ATAD2B: variants seen among roughly 807,000 people sequenced by gnomAD.
The protein encoded by ATAD2B is ATPase family AAA domain-containing protein 2B.
ATAD2B carries 40 observed loss-of-function variants against 167.6 expected under a neutral mutation model. That is an observed-to-expected ratio of 0.24 (90% confidence interval 0.19 to 0.31). ATAD2B has a LOEUF of 0.31. Among genes scored for constraint, ATAD2B ranks in the 10% least tolerant of loss-of-function variants. The pLI is 1.00. For synonymous variants in ATAD2B, 579 were observed against 596.5 expected (o/e 0.97, Z 0.43); for missense variants, 1,242 against 1,757.2 (o/e 0.71, Z 5.24).
rs1415155372 is a variant in ATAD2B, at chr2:23,765,648, ATATT to A, written c.3134-24_3134-21del. The A allele has an allele frequency of 5.3e-6, 7 of 1,310,756 alleles. No homozygotes were observed. The Admixed American group carries it at 1.0e-4, about 19-fold the overall frequency. The allele number at this position is 1,310,756 out of a possible 1,614,324, so 81.2% of individuals were successfully genotyped here. A position where few individuals can be genotyped will look rare whatever the true frequency, so the allele number is the denominator to read the frequency against. On this transcript the variant is annotated intron_variant, in intron 22 of 27. Coordinates refer to ENST00000238789, the MANE Select transcript of ATAD2B (RefSeq NM_017552.4). ...TTTTATCTGTTAAAAAAGTTGGTATATATTTATTATAGAAACAAATAAAATAACA... is the reference window on the plus strand; with the variant it reads ...TTTTATCTGTTAAAAAAGTTGGTATATATTATAGAAACAAATAAAATAACA...
chr2:23,695,830 G>A, the ATAD2B span: 4 of 1,545,770 alleles, frequency 2.6e-6, no homozygotes, highest in Non-Finnish European at 3.5e-6. This position sits in a 1 kb window ranked among gnomAD's most constrained non-coding sequence, Gnocchi z 7.6. Flanking sequence ...AGGTATGAAG[G>A]GGCACGCCCC....
chr2:23,809,675 CAG>C, intron 18 of ATAD2B, among the ~76,000 whole-genome samples: 1 of 152,106 alleles, frequency 6.6e-6, no homozygotes, highest in East Asian at 1.9e-4. Context: ...GACACCTTGT[CAG>C]AGTTACAAAA....
At chr2:23,834,505 T>G (rs920363790) in intron 13 of ATAD2B, among the ~76,000 whole-genome samples, 5 of 151,834 alleles carry the variant, frequency 3.3e-5, no homozygotes, top group Admixed American at 3.3e-4. Context: ...CATGATTATA[T>G]TTTAATGCAG....
At chr2:23,893,919 C>T (rs1009881265) in intron 2 of ATAD2B, among the ~76,000 whole-genome samples, 6 of 151,960 alleles carry the variant, frequency 3.9e-5, no homozygotes, top group Middle Eastern at 3.2e-3. Context: ...CTGCCTTGGC[C>T]TCCCAAAGTT....
At chr2:23,712,959 G>A in the ATAD2B span, among the ~76,000 whole-genome samples, 3 of 152,102 alleles carry the variant, frequency 2.0e-5, no homozygotes, top group African/African-American at 2.4e-5. Context: ...ACCATGGGCC[G>A]CCTCACCCTG....
At chr2:23,890,560 C>T (rs114949808) in intron 2 of ATAD2B, among the ~76,000 whole-genome samples, 1 of 152,136 alleles carries the variant, frequency 6.6e-6, no homozygotes, top group Non-Finnish European at 1.5e-5. Flanking sequence ...ACAGAAAAAC[C>T]AACTTTATTA....
chr2:23,880,582 G>T, intron 7 of ATAD2B, 57 bp downstream of exon 7: 1 of 962,182 alleles, frequency 1.0e-6, no homozygotes, highest in Non-Finnish European at 1.6e-6. Flanking sequence ...AAAAAGCAGT[G>T]GGGCAGAATA....
chr2:23,717,212 T>C, the ATAD2B span, among the ~76,000 whole-genome samples: 2 of 151,990 alleles, frequency 1.3e-5, no homozygotes, highest in East Asian at 3.9e-4. Context: ...AGGAAGAAAG[T>C]AGAGAAAAGT....
At chr2:23,830,710 T>C (rs1353111201) in intron 14 of ATAD2B, among the ~76,000 whole-genome samples, 1 of 152,012 alleles carries the variant, frequency 6.6e-6, no homozygotes, top group Non-Finnish European at 1.5e-5. Flanking sequence ...CTTGAACAGA[T>C]ACTAAAAAAA....
chr2:23,762,162 A>ATTCTCAGTTG, intron 24 of ATAD2B, 47 bp downstream of exon 24: 1 of 1,592,136 alleles, frequency 6.3e-7, no homozygotes, highest in South Asian at 1.1e-5. Context: ...TATCTACATC[A>ATTCTCAGTTG]TTCTCAGTTG....
At chr2:23,897,945 A>C (rs1700343511) in intron 1 of ATAD2B, among the ~76,000 whole-genome samples, 1 of 152,182 alleles carries the variant, frequency 6.6e-6, no homozygotes, top group Non-Finnish European at 1.5e-5. Flanking sequence ...TAAACATATA[A>C]ACATACACAT....
In ATAD2B at chr2:23,863,492, A is replaced by G; in HGVS notation, c.1368T>C (p.Asn456=). The G allele has an allele frequency of 6.4e-7, 1 of 1,566,314 alleles. No individual in the cohort carries two copies. The highest frequency in any genetic ancestry group is 8.7e-7 in the Non-Finnish European group (1 of 1,154,480). Residue 456 remains asparagine, a synonymous_variant, in exon 12 of 28, where the codon AAT becomes AAC. Transcript: ENST00000238789. ...GKTLVARALA[N]ECSQGDKKVA... Reference sequence around the variant, plus strand: ...CTTTTTTGTCTCCTTGGCTGCATTCATTAGCTAATGCTCTGGCAACCAAGG... The same window carrying G: ...CTTTTTTGTCTCCTTGGCTGCATTCGTTAGCTAATGCTCTGGCAACCAAGG...
chr2:23,833,806 T>C (rs1279538131), intron 14 of ATAD2B, 113 bp downstream of exon 14: 5 of 845,030 alleles, frequency 5.9e-6, no homozygotes, highest in Non-Finnish European at 8.8e-6. Flanking sequence ...AGCTAAGATA[T>C]CCTTAAGCAG....
At chr2:23,735,971 G>A in the ATAD2B span, among the ~76,000 whole-genome samples, 1 of 151,976 alleles carries the variant, frequency 6.6e-6, no homozygotes, top group Admixed American at 6.6e-5. Flanking sequence ...AGGGTAGGAG[G>A]GCAAAGGTAG....
chr2:23,847,401 A>C (rs1307068006), intron 13 of ATAD2B, among the ~76,000 whole-genome samples: 1 of 152,122 alleles, frequency 6.6e-6, no homozygotes, highest in African/African-American at 2.4e-5. Flanking sequence ...GCTACTTGGG[A>C]GGCTGAGGCA....
intron 12 of ATAD2B, among the ~76,000 whole-genome samples, chr2:23,862,128 T>A (rs1694463495): frequency 6.6e-6 from 1 of 152,066 alleles, no homozygotes; most frequent in African/African-American, 2.4e-5. Flanking sequence ...GTCCAGGAGT[T>A]TGAGGTTGCA....
the ATAD2B span, chr2:23,691,998 G>A: frequency 1.1e-6 from 1 of 911,228 alleles, no homozygotes; most frequent in Non-Finnish European, 1.7e-6. Flanking sequence ...CCTCACATGT[G>A]GCTGAGTTTG....
intron 8 of ATAD2B, among the ~76,000 whole-genome samples, chr2:23,870,721 T>A (rs558427535): frequency 2.6e-5 from 4 of 151,668 alleles, no homozygotes; most frequent in African/African-American, 9.7e-5. Flanking sequence ...AGTCCAGACA[T>A]TTAAAGAACA....
At chr2:23,890,988 C>T (rs567083788) in intron 2 of ATAD2B, among the ~76,000 whole-genome samples, 1 of 151,406 alleles carries the variant, frequency 6.6e-6, no homozygotes, top group Non-Finnish European at 1.5e-5. Context: ...ACATGAAATA[C>T]ATGAGTATAT....
Sources: gnomAD v4.1 joint callset for allele counts (sites outside exome capture counted in the v4.1 genomes callset) on GRCh38, gnomAD v4.1.1 for gene constraint, Gnocchi (gnomAD v3.1) non-coding constraint, MANE v1.5 for transcripts, NCBI Gene and HGNC (gene_info 2026-07-23, HGNC 2026-07-21) for gene names.